PRKN: variants seen among roughly 807,000 people sequenced by gnomAD.
PRKN encodes the protein E3 ubiquitin-protein ligase parkin.
In PRKN, 56 loss-of-function variants were observed where a neutral mutation model predicts 59.5. The observed-to-expected ratio is 0.94, with a 90% CI of 0.76 to 1.18. The LOEUF (loss-of-function observed/expected upper bound fraction) is 1.18, where lower values mean the gene tolerates loss of function less well. PRKN is among the 50% of genes most tolerant of loss of function. The probability of loss-of-function intolerance (pLI) is 0.00; values close to 1 mark genes in which losing one functional copy is unlikely to be tolerated. For missense variants in PRKN, 657 were observed against 596.4 expected (o/e 1.10, Z -1.06); for synonymous variants, 250 against 222.1 (o/e 1.13, Z -1.12).
intron 4 of PRKN, among the ~76,000 whole-genome samples, chr6:162,072,421 G>A (rs145374680): frequency 1.7e-4 from 26 of 152,270 alleles, no homozygotes; most frequent in Non-Finnish European, 2.1e-4. Flanking sequence ...TAGGTTTTGC[G>A]GGAAGAAGTA....
intron 1 of PRKN, among the ~76,000 whole-genome samples, chr6:162,628,207 G>C (rs1016721926): frequency 3.9e-5 from 6 of 152,172 alleles, no homozygotes; most frequent in African/African-American, 9.6e-5. Flanking sequence ...AGACGCAGAG[G>C]AAACAAGGAC....
At chr6:161,654,868 G>A (rs1256886099) in intron 7 of PRKN, among the ~76,000 whole-genome samples, 4 of 152,224 alleles carry the variant, frequency 2.6e-5, no homozygotes, top group Admixed American at 2.6e-4. Flanking sequence ...AGACAAGGGT[G>A]GATGGCCCAC....
At chr6:162,037,454 C>T (rs1038635252) in intron 5 of PRKN, among the ~76,000 whole-genome samples, 7 of 151,878 alleles carry the variant, frequency 4.6e-5, no homozygotes, top group African/African-American at 1.2e-4. Flanking sequence ...CACACACACA[C>T]GCACATGGAA....
At chr6:162,029,695 G>T (rs1384240631) in intron 5 of PRKN, among the ~76,000 whole-genome samples, 1 of 152,092 alleles carries the variant, frequency 6.6e-6, no homozygotes, top group Non-Finnish European at 1.5e-5. Flanking sequence ...CCATAACTTT[G>T]TATTTGCTTA....
At chr6:161,438,897 T>G (rs746248958) in intron 9 of PRKN, among the ~76,000 whole-genome samples, 1 of 152,158 alleles carries the variant, frequency 6.6e-6, no homozygotes, top group Non-Finnish European at 1.5e-5. Context: ...TTAAGAAATA[T>G]AAGCACATGA....
intron 9 of PRKN, among the ~76,000 whole-genome samples, chr6:161,420,014 G>A (rs528121353): frequency 2.4e-4 from 37 of 152,048 alleles, no homozygotes; most frequent in Middle Eastern, 3.4e-3. Context: ...TGAGGAGGGC[G>A]GATCACGAGG....
chr6:162,390,291 A>G (rs1402418321), intron 2 of PRKN, among the ~76,000 whole-genome samples: 2 of 151,118 alleles, frequency 1.3e-5, no homozygotes, highest in African/African-American at 2.4e-5. Flanking sequence ...ATTTCTTTAA[A>G]GAAATTTTTA....
chr6:161,364,930 CA>C (rs67693234), intron 10 of PRKN, among the ~76,000 whole-genome samples: 6,099 of 120,916 alleles, frequency 0.05, 156 homozygotes, highest in Middle Eastern at 0.13. Context: ...GACTTTGTCT[CA>C]AAAAAAAAAA....
chr6:162,636,696 GCAAAA>G (rs1425403310), intron 1 of PRKN, among the ~76,000 whole-genome samples: 1 of 152,158 alleles, frequency 6.6e-6, no homozygotes, highest in Non-Finnish European at 1.5e-5. Flanking sequence ...CCATAAAGAA[GCAAAA>G]CAACTGGGCA....
rs575474584 is a variant in PRKN at position 162,228,415 on chromosome 6, C to T, written c.413-27163G>A. Among the ~76,000 whole-genome samples, 557 of 152,262 alleles carry T rather than the reference C, an allele frequency of 3.7e-3. 2 individuals are homozygous for T. The highest frequency in any genetic ancestry group is 0.013 in the African/African-American group (526 of 41,550). On this transcript the variant is annotated intron_variant, in intron 3 of 11. Coordinates refer to ENST00000366898, the MANE Select transcript of PRKN (RefSeq NM_004562.3). ...GACAGGGACTAGAGACTCTTCTCTC[C>T]ACCTTCAAAAATGACAAATATTGGT... is the stretch of plus-strand genomic sequence containing the variant.
chr6:162,114,321 A>G (rs1780573028), intron 4 of PRKN, among the ~76,000 whole-genome samples: 1 of 151,386 alleles, frequency 6.6e-6, no homozygotes, highest in Admixed American at 6.6e-5. Flanking sequence ...GGCCATTTTC[A>G]CGATATTGAT....
chr6:161,797,645 C>T lies in PRKN; in HGVS notation c.735-11737G>A, dbSNP rs758651171. ...GAGTGGTTTGAAATGAGGAGTCTGCCGAAAAGATTGTAGACATCTTAAAAC... is the reference window on the plus strand; with the variant it reads ...GAGTGGTTTGAAATGAGGAGTCTGCTGAAAAGATTGTAGACATCTTAAAAC... On this transcript the variant is annotated intron_variant, in intron 6 of 11. Coordinates refer to ENST00000366898, the MANE Select transcript of PRKN (RefSeq NM_004562.3). Among the ~76,000 whole-genome samples, 11 of 152,038 alleles carry T rather than the reference C, an allele frequency of 7.2e-5. No homozygotes were observed. In the East Asian group the frequency reaches 7.7e-4, roughly 11 times the overall value.
At chr6:162,366,235 C>G (rs1785430559) in intron 2 of PRKN, among the ~76,000 whole-genome samples, 1 of 152,090 alleles carries the variant, frequency 6.6e-6, no homozygotes, top group Non-Finnish European at 1.5e-5. Context: ...TGTTTTATCT[C>G]CAAATTAATC....
At chr6:161,741,639 A>G (rs1788188789) in intron 7 of PRKN, among the ~76,000 whole-genome samples, 1 of 152,032 alleles carries the variant, frequency 6.6e-6, no homozygotes, top group Non-Finnish European at 1.5e-5. Flanking sequence ...CTGGGCAGTA[A>G]ACACACCACG....
intron 1 of PRKN, among the ~76,000 whole-genome samples, chr6:162,520,506 A>G (rs1421882355): frequency 1.3e-5 from 2 of 152,108 alleles, no homozygotes; most frequent in African/African-American, 4.8e-5. Flanking sequence ...GGTCACTCAT[A>G]ATCATTTAGC....
At chr6:162,414,709 T>TGAAAAAAAA (rs373871165) in intron 2 of PRKN, among the ~76,000 whole-genome samples, 1 of 44,550 alleles carries the variant, frequency 2.2e-5, no homozygotes, top group African/African-American at 1.6e-4. Context: ...AGACTCCGTC[T>TGAAAAAAAA]CAAAAAAAAA....
At chr6:161,720,765 TA>T (rs1290298053) in intron 7 of PRKN, among the ~76,000 whole-genome samples, 5 of 98,426 alleles carry the variant, frequency 5.1e-5, no homozygotes, top group Admixed American at 2.3e-4. Flanking sequence ...CTTTTAAAAC[TA>T]TTTTTTTTTT....
At position 162,419,398 on chromosome 6, in the gene PRKN, A is replaced by C. The variant is rs1788834404; in HGVS notation, c.171+23912T>G. 3.3e-5 allele frequency among the ~76,000 whole-genome samples: 5 copies of C among 152,330 alleles called. No individual in the cohort carries two copies. The South Asian group carries it at 1.0e-3, about 32-fold the overall frequency. ...TAGCTAAAATCAACTGAGCTTAAGAAGACGTTTACATGCATGTGGTCAGTC... is the reference window on the plus strand; with the variant it reads ...TAGCTAAAATCAACTGAGCTTAAGACGACGTTTACATGCATGTGGTCAGTC... On this transcript the variant is annotated intron_variant, in intron 2 of 11. Transcript: ENST00000366898.
At chr6:161,928,776 T>A (rs1379781930) in intron 6 of PRKN, among the ~76,000 whole-genome samples, 2 of 152,292 alleles carry the variant, frequency 1.3e-5, no homozygotes, top group African/African-American at 4.8e-5. Flanking sequence ...CAAGGTCACA[T>A]AAGTCCCAAG....
Sources: allele counts gnomAD v4.1 joint callset (sites outside exome capture counted in the v4.1 genomes callset), GRCh38; gene constraint gnomAD v4.1.1; transcripts MANE v1.5; gene names NCBI Gene and HGNC (gene_info 2026-07-23, HGNC 2026-07-21).